The following TBL1XR1 variants were observed in gnomAD, a reference collection of about 807,000 sequenced individuals.
TBL1XR1 encodes F-box-like/WD repeat-containing protein TBL1XR1.
Under a neutral mutation model 66.9 loss-of-function variants are expected in TBL1XR1, and 5 were observed. The ratio of observed to expected loss-of-function variants is 0.07; its 90% confidence interval spans 0.04 to 0.16. The LOEUF is 0.16. TBL1XR1 is among the 10% of genes least tolerant of loss of function. The pLI is 1.00. For synonymous variants in TBL1XR1, 210 were observed against 206.0 expected (o/e 1.02, Z -0.17); for missense variants, 238 against 623.2 (o/e 0.38, Z 6.58).
rs1399586023 is a variant in TBL1XR1 at position 177,020,620 on chromosome 3, T to A, written c.*4878A>T. The A allele has an allele frequency of 6.6e-6, 1 of 152,140 alleles. No individual in the cohort carries two copies. Among genetic ancestry groups the A allele is most frequent in the Non-Finnish European group, 1.5e-5 (1 of 68,006 alleles). 9.4% of individuals were successfully genotyped at this position (152,140 alleles called of 1,614,324 possible). On this transcript the variant is annotated 3_prime_UTR_variant, in exon 16 of 16. Coordinates refer to ENST00000457928, the MANE Select transcript of TBL1XR1 (RefSeq NM_024665.7). The stretch of plus-strand genomic sequence containing the variant: ...AAAGGTTTATTCTACAATAGAACAC[T>A]GGAGAAGTAAAAGCAATTAAAATGT...
At chr3:177,053,960 G>A (rs1299233532) in intron 3 of TBL1XR1, 42 bp from the exon 4 acceptor site, 1 of 1,566,768 alleles carries the variant, frequency 6.4e-7, no homozygotes, top group African/African-American at 1.4e-5. Flanking sequence ...TTTTCCTAGT[G>A]GCAACATGCT....
At chr3:177,135,306 T>C (rs1172889839) in intron 1 of TBL1XR1, among the ~76,000 whole-genome samples, 2 of 43,224 alleles carry the variant, frequency 4.6e-5, no homozygotes, top group Non-Finnish European at 8.6e-5. Flanking sequence ...AAGGCCGCAC[T>C]CTGTGTGTGT....
chr3:177,115,841 T>C (rs1726241304), intron 1 of TBL1XR1, among the ~76,000 whole-genome samples: 1 of 152,200 alleles, frequency 6.6e-6, no homozygotes. Flanking sequence ...TAATTCTAAT[T>C]TTCTTCAAAG....
intron 14 of TBL1XR1, among the ~76,000 whole-genome samples, chr3:177,031,617 C>G (rs1424142067): frequency 6.7e-6 from 1 of 148,460 alleles, no homozygotes; most frequent in Non-Finnish European, 1.5e-5. Context: ...AGGCATGAGC[C>G]ACCATGTGCA....
At chr3:177,067,847 A>G (rs1385706096) in intron 2 of TBL1XR1, among the ~76,000 whole-genome samples, 2 of 152,204 alleles carry the variant, frequency 1.3e-5, no homozygotes, top group Non-Finnish European at 2.9e-5. Flanking sequence ...CTTGTCCATT[A>G]TGGTTTATTT....
chr3:177,077,341 A>G (rs1342102375), intron 2 of TBL1XR1, among the ~76,000 whole-genome samples: 2 of 144,502 alleles, frequency 1.4e-5, no homozygotes, highest in African/African-American at 5.1e-5. Context: ...AATCCATCAT[A>G]AAAGAAAATT....
At chr3:177,153,948 A>T (rs1162632551) in intron 1 of TBL1XR1, among the ~76,000 whole-genome samples, 1 of 151,768 alleles carries the variant, frequency 6.6e-6, no homozygotes, top group Non-Finnish European at 1.5e-5. Context: ...ATGGCTAATA[A>T]GACAATAGTA....
chr3:177,077,654 G>A (rs892143690), intron 2 of TBL1XR1, among the ~76,000 whole-genome samples: 4 of 152,144 alleles, frequency 2.6e-5, no homozygotes, highest in Non-Finnish European at 5.9e-5. Context: ...CTCTTCAAGT[G>A]AGTATGCTGG....
At chr3:177,056,905 T>A (rs1577043844) in intron 3 of TBL1XR1, among the ~76,000 whole-genome samples, 1 of 152,028 alleles carries the variant, frequency 6.6e-6, no homozygotes, top group South Asian at 2.1e-4. Context: ...CACATTTCTT[T>A]CCCCTCCTCC....
chr3:177,140,681 T>C (rs1729530870), intron 1 of TBL1XR1, among the ~76,000 whole-genome samples: 1 of 152,222 alleles, frequency 6.6e-6, no homozygotes, highest in African/African-American at 2.4e-5. Context: ...CCCTTGTCAC[T>C]GACAGTGGGA....
At chr3:177,089,173 G>T (rs1471513147) in intron 2 of TBL1XR1, among the ~76,000 whole-genome samples, 1 of 152,166 alleles carries the variant, frequency 6.6e-6, no homozygotes, top group East Asian at 1.9e-4. Flanking sequence ...AGTAAAAGAG[G>T]TGATTTACTA....
At chr3:177,172,709 G>C (rs1000152714) in intron 1 of TBL1XR1, among the ~76,000 whole-genome samples, 1 of 148,770 alleles carries the variant, frequency 6.7e-6, no homozygotes, top group Non-Finnish European at 1.5e-5. Context: ...AGAGGGAAGA[G>C]AAGAGCCAAG....
intron 1 of TBL1XR1, among the ~76,000 whole-genome samples, chr3:177,193,237 A>G (rs550424163): frequency 6.6e-6 from 1 of 150,794 alleles, no homozygotes; most frequent in East Asian, 2.3e-4. Flanking sequence ...AGTAAAGGAT[A>G]GAGCCTGAGT....
Position 177,122,399 on chromosome 3 carries a change from G to A in TBL1XR1, c.-121-23858C>T, listed in dbSNP as rs527272557. On this transcript the variant is annotated intron_variant, in intron 1 of 15. Coordinates refer to ENST00000457928, the MANE Select transcript of TBL1XR1 (RefSeq NM_024665.7). The stretch of plus-strand genomic sequence containing the variant: ...AGGTGATGTAATAGAACTAAGAGAA[G>A]AGCATCAAGAAGTTCAGCATGTACC... Among the ~76,000 whole-genome samples, 3 of 151,960 alleles carry A rather than the reference G, an allele frequency of 2.0e-5. No individual in the cohort carries two copies. In the East Asian group the frequency reaches 5.8e-4, roughly 29 times the overall value.
chr3:177,037,398 G>A (rs1714948259), intron 12 of TBL1XR1: 1 of 152,224 alleles, frequency 6.6e-6, no homozygotes, highest in Non-Finnish European at 1.5e-5. Flanking sequence ...ACAGGGTACA[G>A]ATATTTGGTG....
At chr3:177,136,873 G>A (rs1365199136) in intron 1 of TBL1XR1, among the ~76,000 whole-genome samples, 2 of 152,184 alleles carry the variant, frequency 1.3e-5, no homozygotes, top group East Asian at 1.9e-4. Flanking sequence ...GCTTTACTAT[G>A]CTTCACTAAA....
chr3:177,137,065 T>C (rs756156743), intron 1 of TBL1XR1, among the ~76,000 whole-genome samples: 4 of 152,176 alleles, frequency 2.6e-5, no homozygotes, highest in African/African-American at 4.8e-5. Flanking sequence ...CTTACTTCTA[T>C]AACAGGCCAT....
At chr3:177,123,270 ACATT>A (rs1727207991) in intron 1 of TBL1XR1, among the ~76,000 whole-genome samples, 1 of 151,642 alleles carries the variant, frequency 6.6e-6, no homozygotes, top group Non-Finnish European at 1.5e-5. Flanking sequence ...TAAAGTACAT[ACATT>A]AACAAAAGTT....
chr3:177,186,264 A>C (rs1735391186), intron 1 of TBL1XR1, among the ~76,000 whole-genome samples: 1 of 152,208 alleles, frequency 6.6e-6, no homozygotes, highest in African/African-American at 2.4e-5. Context: ...AAGAAAACCC[A>C]TCATTTTACT....
Sources: gnomAD v4.1 joint callset for allele counts (sites outside exome capture counted in the v4.1 genomes callset) on GRCh38, gnomAD v4.1.1 for gene constraint, MANE v1.5 for transcripts, NCBI Gene and HGNC (gene_info 2026-07-23, HGNC 2026-07-21) for gene names.